UBA1: variants seen among roughly 807,000 people sequenced by gnomAD.
The protein encoded by UBA1 is ubiquitin-like modifier-activating enzyme 1.
Under a neutral mutation model 84.7 loss-of-function variants are expected in UBA1, and 4 were observed. The ratio of observed to expected loss-of-function variants is 0.05; its 90% CI spans 0.02 to 0.11. The LOEUF (loss-of-function observed/expected upper bound fraction) is 0.11. UBA1 is among the 10% of genes least tolerant of loss of function. The pLI, the probability that UBA1 is intolerant of heterozygous loss-of-function variation, is 1.00. For synonymous variants in UBA1, 364 were observed against 362.6 expected, an observed-to-expected ratio of 1.00 and a Z score of -0.04; for missense variants, 513 against 902.8, an observed-to-expected ratio of 0.57 and a Z score of 5.53.
chrX:47,213,525 CAAGTAGATTA>C (rs1487067932), intron 23 of UBA1, among the ~76,000 whole-genome samples: 2 of 111,900 alleles, frequency 1.8e-5, no homozygotes, highest in Non-Finnish European at 3.8e-5. Flanking sequence ...TTATGTTCCT[CAAGTAGATTA>C]TATAAATAAC....
chrX:47,211,567 T>C (rs1252862498), intron 20 of UBA1, among the ~76,000 whole-genome samples: 14 of 111,180 alleles, frequency 1.3e-4, no homozygotes, highest in Non-Finnish European at 2.3e-4. Flanking sequence ...CTTGATACTT[T>C]CCTGCCTTGT....
At chrX:47,208,560 AC>A (rs1247825857) in intron 16 of UBA1, 1 of 109,694 alleles carries the variant, frequency 9.1e-6, no homozygotes, top group Non-Finnish European at 1.9e-5. Flanking sequence ...GGTAAGATAT[AC>A]CTAATTGAAG....
chrX:47,203,821 C>T lies in UBA1; in HGVS notation c.1575+125C>T, dbSNP rs1420790642. On this transcript the variant is annotated intron_variant, in intron 14 of 25. Coordinates refer to ENST00000335972, the MANE Select transcript of UBA1 (RefSeq NM_003334.4). The stretch of plus-strand genomic sequence containing the variant: ...GTAGTGCAGTGGCGTGATCTCTGGC[C>T]CACCACAACCTCTGCCTCCTGGGTT... The T allele has an allele frequency of 1.6e-5, 12 of 729,963 alleles. No homozygotes were observed. In the African/African-American group the frequency reaches 2.5e-4, roughly 15 times the overall value. 60.2% of individuals were successfully genotyped at this position (729,963 alleles called of 1,213,427 possible).
chrX:47,202,320 C>T, intron 9 of UBA1, 38 bp from the exon 10 acceptor site: 1 of 1,209,332 alleles, frequency 8.3e-7, no homozygotes, highest in East Asian at 3.0e-5. Flanking sequence ...TTCTCCATTC[C>T]TCTCTTCTGG....
chrX:47,197,740 G>A (rs782085613), intron 1 of UBA1: 4 of 537,312 alleles, frequency 7.4e-6, no homozygotes, highest in South Asian at 9.6e-5. Context: ...GGGATGAAAC[G>A]TGATAACACG....
intron 1 of UBA1, chrX:47,198,217 C>G (rs782634749): frequency 4.5e-4 from 438 of 978,708 alleles, no homozygotes; most frequent in Non-Finnish European, 5.6e-4. Flanking sequence ...CCAAGCCTCA[C>G]TTCCCTCCTG....
chrX:47,197,132 T>G, intron 1 of UBA1: 2 of 754,993 alleles, frequency 2.6e-6, no homozygotes, highest in South Asian at 1.3e-4. Context: ...GCAATTCACC[T>G]GGCTATCTCA....
Position 47,215,019 on chromosome X carries a change from C to A in UBA1, c.*90C>A. On this transcript the variant is annotated 3_prime_UTR_variant, in exon 26 of 26. Coordinates refer to ENST00000335972, the MANE Select transcript of UBA1 (RefSeq NM_003334.4). ...TCCCATTTGGCTTCTGGCAGTGGCC[C>A]AACTAGCCAAGTCTGGTGTTCCCTC... The A allele has an allele frequency of 8.7e-7, 1 of 1,148,940 alleles. No homozygotes were observed. The highest frequency in any genetic ancestry group is 1.2e-6 in the Non-Finnish European group (1 of 849,743). 94.7% of individuals were successfully genotyped at this position (1,148,940 alleles called of 1,213,427 possible).
Position 47,199,737 on chromosome X carries a change from C to A in UBA1, c.480+123C>A. On this transcript the variant is annotated intron_variant, in intron 5 of 25. Transcript: ENST00000335972. ...GAATGTCAGGTTTTGTGCTGGGGGA[C>A]TAGAGTATGCAGGCAGCAGTTAGCC... 3 of 848,691 alleles carry A rather than the reference C, an allele frequency of 3.5e-6. No homozygotes were observed. In the Admixed American group the frequency reaches 6.6e-5, roughly 19 times the overall value. The allele number at this position is 848,691 out of a possible 1,213,427, so 69.9% of individuals were successfully genotyped here. A position where few individuals can be genotyped will look rare whatever the true frequency, so the allele number is the denominator to read the frequency against.
At chrX:47,196,326 A>G (rs1462529267) in intron 1 of UBA1, among the ~76,000 whole-genome samples, 3 of 110,509 alleles carry the variant, frequency 2.7e-5, no homozygotes, top group African/African-American at 6.6e-5. Flanking sequence ...AAAGCTTGAC[A>G]TGCTCCAGCC....
intron 14 of UBA1, among the ~76,000 whole-genome samples, chrX:47,204,528 C>G (rs1368730621): frequency 1.8e-5 from 2 of 111,479 alleles, no homozygotes; most frequent in Non-Finnish European, 3.8e-5. Context: ...GCGCCCCCTT[C>G]CTGGCACATA....
intron 1 of UBA1, chrX:47,198,300 CTG>C (rs1286606547): frequency 3.1e-5 from 30 of 976,567 alleles, no homozygotes; most frequent in Non-Finnish European, 4.0e-5. Context: ...CCTACCTACT[CTG>C]TGCCAGGTTC....
chrX:47,206,269 G>C lies in UBA1; in HGVS notation c.1763G>C (p.Cys588Ser). The C allele has an allele frequency of 8.3e-7, 1 of 1,208,294 alleles. No homozygotes were observed. Among genetic ancestry groups the C allele is most frequent in the Non-Finnish European group, 1.1e-6 (1 of 893,615 alleles). ...VDARMYMDRR[C>S]VYYRKPLLES... is the part of the protein sequence containing the mutation. Reference sequence around the variant, plus strand: ...ACAGGCATGTACATGGACCGCCGCTGTGTCTACTACCGGAAGCCACTGCTG... The same window carrying C: ...ACAGGCATGTACATGGACCGCCGCTCTGTCTACTACCGGAAGCCACTGCTG... Residue 588 changes from cysteine (C) to serine (S), a missense_variant, in exon 16 of 26, where the codon TGT becomes TCT. Cys to Ser is a moderately radical substitution (Grantham distance 112, BLOSUM62 -1). Around this residue, in one of 6 missense-constraint regions of UBA1, gnomAD observed 40 missense variants for 138.3 expected, o/e 0.29. Coordinates refer to ENST00000335972, the MANE Select transcript of UBA1 (RefSeq NM_003334.4).
upstream of UBA1, among the ~76,000 whole-genome samples, chrX:47,192,079 C>G (rs1209388458): frequency 8.9e-6 from 1 of 111,822 alleles, no homozygotes; most frequent in African/African-American, 3.3e-5. Flanking sequence ...TTAATCTTCA[C>G]GACAATCCTA....
chrX:47,199,773 CCTTTT>C (rs1446492867), intron 5 of UBA1, among the ~76,000 whole-genome samples, 159 bp downstream of exon 5: 1 of 109,893 alleles, frequency 9.1e-6, no homozygotes, highest in Non-Finnish European at 1.9e-5. Context: ...CCTGGCCCTG[CCTTTT>C]CTTTTCTTCT....
At chrX:47,211,560 G>A (rs952789627) in intron 20 of UBA1, among the ~76,000 whole-genome samples, 1 of 110,768 alleles carries the variant, frequency 9.0e-6, no homozygotes, top group Non-Finnish European at 1.9e-5. Context: ...TCTCTCCCTT[G>A]ATACTTTCCT....
chrX:47,195,676 G>C (rs1369949153), intron 1 of UBA1, among the ~76,000 whole-genome samples: 2 of 111,138 alleles, frequency 1.8e-5, no homozygotes, highest in African/African-American at 6.6e-5. Context: ...GCCAGTGTTT[G>C]CTTATTAACC....
At chrX:47,204,661 C>T (rs1440460918) in intron 14 of UBA1, among the ~76,000 whole-genome samples, 4 of 111,230 alleles carry the variant, frequency 3.6e-5, no homozygotes, top group African/African-American at 6.6e-5. Flanking sequence ...TCCTGAATTC[C>T]AAGTTCCCAG....
chrX:47,201,291 C>T lies in UBA1; in HGVS notation c.603C>T (p.Asp201=), dbSNP rs782085880. The change falls in exon 7 of 26, where the codon GAC becomes GAT. Residue 201 remains aspartate, a synonymous_variant. Transcript: ENST00000335972. ...TRGLFGQLFC[D]FGEEMILTDS... is the part of the protein sequence containing the mutation. ...CCCTCTACAGGCAGCTCTTCTGTGA[C>T]TTTGGAGAGGAAATGATCCTCACAG... is the stretch of plus-strand genomic sequence containing the variant. The T allele has an allele frequency of 5.0e-6, 6 of 1,206,868 alleles. No homozygotes were observed. Among genetic ancestry groups the T allele is most frequent in the East Asian group, 3.0e-5 (1 of 33,754 alleles).
Sources: gnomAD v4.1 joint callset for allele counts (sites outside exome capture counted in the v4.1 genomes callset) on GRCh38, gnomAD v4.1.1 for gene constraint, gnomAD v4.1.1 regional missense constraint, MANE v1.5 for transcripts, NCBI Gene and HGNC (gene_info 2026-07-23, HGNC 2026-07-21) for gene names.